The following ITPR1 variants were observed in gnomAD, a reference collection of about 807,000 sequenced individuals.
ITPR1 encodes inositol 1,4,5-trisphosphate receptor type 1.
A neutral mutation model predicts 318.4 loss-of-function variants in ITPR1; 96 were observed. That is an observed-to-expected ratio of 0.30 (90% CI 0.26 to 0.36). ITPR1 has a LOEUF of 0.36. Among genes scored for constraint, ITPR1 ranks in the 10% least tolerant of loss-of-function variants. The pLI is 1.00. For synonymous variants in ITPR1, 1,312 were observed against 1,289.9 expected (o/e 1.02, Z -0.37); for missense variants, 2,440 against 3,460.2 (o/e 0.71, Z 7.40).
chr3:4,535,694 C>T (rs2083813335), intron 4 of ITPR1, among the ~76,000 whole-genome samples: 3 of 151,974 alleles, frequency 2.0e-5, no homozygotes, highest in African/African-American at 7.3e-5. Flanking sequence ...ATCCACCCGC[C>T]TCGGCCTCCC....
intron 50 of ITPR1, 55 bp downstream of exon 50, chr3:4,782,796 C>T (rs2046920136): frequency 7.1e-7 from 1 of 1,401,730 alleles, no homozygotes; most frequent in South Asian, 1.9e-5. Context: ...GTCCAAAATT[C>T]CGAGCTGGAG....
chr3:4,582,974 CTTCT>C (rs1057143677), intron 4 of ITPR1, among the ~76,000 whole-genome samples: 3 of 152,126 alleles, frequency 2.0e-5, no homozygotes, highest in Non-Finnish European at 4.4e-5. Context: ...GCAGATTTTC[CTTCT>C]TTCTTTCTTT....
Position 4,661,094 on chromosome 3 carries a change from C to A in ITPR1, c.1251+7C>A. The A allele has an allele frequency of 1.3e-6, 2 of 1,540,898 alleles. No individual in the cohort carries two copies. Among genetic ancestry groups the A allele is most frequent in the African/African-American group, 1.4e-5 (1 of 73,504 alleles). On this transcript the variant is annotated splice_region_variant and intron_variant, in intron 14 of 61. Transcript: ENST00000649015. ...AAAGCCCGTGATGCTGAAAGTAAGTCCTGGGACTTGCCTGTCTCCTTTTGG... is the reference window on the plus strand; with the variant it reads ...AAAGCCCGTGATGCTGAAAGTAAGTACTGGGACTTGCCTGTCTCCTTTTGG...
chr3:4,560,860 G>C (rs527876760), intron 4 of ITPR1, among the ~76,000 whole-genome samples: 69 of 152,304 alleles, frequency 4.5e-4, no homozygotes, highest in African/African-American at 1.6e-3. Context: ...ATCTTGGTTT[G>C]ATTGGCTTTT....
chr3:4,816,432 G>A (rs921813673), intron 59 of ITPR1, among the ~76,000 whole-genome samples: 5 of 152,208 alleles, frequency 3.3e-5, no homozygotes, highest in African/African-American at 4.8e-5. Flanking sequence ...TGTAATGCCA[G>A]TTCATCTTGT....
intron 4 of ITPR1, among the ~76,000 whole-genome samples, chr3:4,570,663 A>C (rs944070213): frequency 1.2e-4 from 18 of 152,246 alleles, no homozygotes; most frequent in African/African-American, 4.3e-4. Flanking sequence ...GGATAGATCA[A>C]CCACATTCTG....
intron 4 of ITPR1, 45 bp downstream of exon 4, chr3:4,521,139 A>AG: frequency 7.4e-7 from 1 of 1,350,498 alleles, no homozygotes; most frequent in Non-Finnish European, 1.1e-6. Context: ...ACTCACTTGA[A>AG]AATTCTTGAA....
chr3:4,602,528 GAAAAAAAA>G, intron 4 of ITPR1, among the ~76,000 whole-genome samples: 1 of 106,818 alleles, frequency 9.4e-6, no homozygotes, highest in African/African-American at 3.6e-5. Context: ...GACCCTCTCA[GAAAAAAAA>G]AAAAAAAAAA....
chr3:4,545,097 G>A (rs2084840403), intron 4 of ITPR1, among the ~76,000 whole-genome samples: 1 of 151,982 alleles, frequency 6.6e-6, no homozygotes. Flanking sequence ...TGCTCAGCCT[G>A]GAGCTTCTCA....
In ITPR1 at chr3:4,811,245, C is replaced by A. The variant is rs770419490; in HGVS notation, c.7273-20C>A. 7 of 1,512,988 alleles carry A rather than the reference C, an allele frequency of 4.6e-6. No individual in the cohort carries two copies. The South Asian group carries it at 8.0e-5, about 17-fold the overall frequency. 93.7% of individuals were successfully genotyped at this position (1,512,988 alleles called of 1,614,324 possible). A position where few individuals can be genotyped will look rare whatever the true frequency, so the allele number is the denominator to read the frequency against. On this transcript the variant is annotated intron_variant, in intron 55 of 61. Transcript: ENST00000649015. ...TCTAACATCAAGGCTTCTTAAAATT[C>A]TTTTTGTTTGTTTTCAAAGCTTTTT... is the stretch of plus-strand genomic sequence containing the variant.
intron 2 of ITPR1, among the ~76,000 whole-genome samples, chr3:4,515,327 C>T (rs2082101728): frequency 6.6e-6 from 1 of 152,150 alleles, no homozygotes; most frequent in Non-Finnish European, 1.5e-5. Flanking sequence ...GACACAATAC[C>T]GTTCCACACT....
intron 61 of ITPR1, among the ~76,000 whole-genome samples, chr3:4,843,467 G>A (rs570643588): frequency 6.6e-6 from 1 of 152,294 alleles, no homozygotes; most frequent in East Asian, 1.9e-4. Flanking sequence ...GACCGGCAAC[G>A]TCTACATCAT....
chr3:4,681,624 A>AGTGTGT (rs10665371), intron 26 of ITPR1, among the ~76,000 whole-genome samples: 5,854 of 145,808 alleles, frequency 0.04, 164 homozygotes, highest in Non-Finnish European at 0.057. Flanking sequence ...AGAGAGAGAA[A>AGTGTGT]GTGTGTGTGT....
intron 4 of ITPR1, among the ~76,000 whole-genome samples, chr3:4,555,970 G>A (rs1207216008): frequency 2.0e-5 from 3 of 152,146 alleles, no homozygotes; most frequent in African/African-American, 7.2e-5. Context: ...CAGGGTCTGT[G>A]CTCGTAGACA....
chr3:4,724,072 C>T (rs1215112824), intron 40 of ITPR1, among the ~76,000 whole-genome samples: 1 of 152,134 alleles, frequency 6.6e-6, no homozygotes, highest in African/African-American at 2.4e-5. Flanking sequence ...TTTCCTTCCC[C>T]ACTCATGTCC....
chr3:4,553,601 CTTTT>C (rs35264136), intron 4 of ITPR1, among the ~76,000 whole-genome samples: 1 of 134,344 alleles, frequency 7.4e-6, no homozygotes, highest in African/African-American at 2.8e-5. Context: ...TGGATAATTT[CTTTT>C]TTTTTTTTTT....
chr3:4,681,259 T>G, intron 25 of ITPR1, 105 bp from the exon 26 acceptor site: 2 of 747,584 alleles, frequency 2.7e-6, no homozygotes, highest in Non-Finnish European at 4.8e-6. Context: ...CTGGGAGATT[T>G]GGGGTTAACT....
intron 2 of ITPR1, among the ~76,000 whole-genome samples, chr3:4,502,795 C>T (rs574546320): frequency 3.3e-5 from 5 of 152,136 alleles, no homozygotes; most frequent in Non-Finnish European, 7.4e-5. Flanking sequence ...TTTGAAAAGC[C>T]TTACAGCCAG....
intron 4 of ITPR1, among the ~76,000 whole-genome samples, chr3:4,614,528 A>G (rs1345587726): frequency 6.6e-6 from 1 of 152,228 alleles, no homozygotes; most frequent in Admixed American, 6.5e-5. Context: ...ATAGTCAGGA[A>G]ACTAAAACTT....
Sources: allele counts gnomAD v4.1 joint callset (sites outside exome capture counted in the v4.1 genomes callset), GRCh38; gene constraint gnomAD v4.1.1; transcripts MANE v1.5; gene names NCBI Gene and HGNC (gene_info 2026-07-23, HGNC 2026-07-21).